The following CCDC178 variants were observed in gnomAD, a reference collection of about 807,000 sequenced individuals.
CCDC178 encodes the protein coiled-coil domain-containing protein 178.
Under a neutral mutation model 117.4 loss-of-function variants are expected in CCDC178, and 126 were observed. That is an observed-to-expected ratio of 1.07 (90% CI 0.93 to 1.24). The LOEUF (loss-of-function observed/expected upper bound fraction) is 1.24, where lower values mean the gene tolerates loss of function less well. Ranked by LOEUF, CCDC178 falls within the 50% of genes most tolerant of loss-of-function variation. CCDC178 has a pLI of 0.00. For synonymous variants in CCDC178, 283 were observed against 313.4 expected (o/e 0.90, Z 1.02); for missense variants, 1,030 against 986.9 (o/e 1.04, Z -0.59).
intron 20 of CCDC178, among the ~76,000 whole-genome samples, chr18:33,153,158 C>CATATATT (rs1251364901): frequency 1.4e-5 from 2 of 145,844 alleles, no homozygotes; most frequent in Non-Finnish European, 1.5e-5. Context: ...ATATATATAA[C>CATATATT]ATATATTATA....
Position 33,432,478 on chromosome 18 carries a change from T to TACACAC in CCDC178, c.-23+7478_-23+7483dup, listed in dbSNP as rs56111462. ...ATATAATTCTCTCATGCCTTCTCCA[T>TACACAC]ACACACACACACACACACACACACA... On this transcript the variant is annotated intron_variant, in intron 2 of 22. Transcript: ENST00000383096. 5.7e-3 allele frequency among the ~76,000 whole-genome samples: 818 copies of TACACAC among 143,394 alleles called. 6 individuals carry two copies. The highest frequency in any genetic ancestry group is 6.6e-3 in the Admixed American group (95 of 14,292). 94.1% of individuals were successfully genotyped at this position (143,394 alleles called of 152,430 possible).
chr18:33,334,887 A>T (rs2062719419), intron 9 of CCDC178, among the ~76,000 whole-genome samples: 1 of 152,038 alleles, frequency 6.6e-6, no homozygotes, highest in Non-Finnish European at 1.5e-5. Context: ...CTATTCAGCA[A>T]GCTATTTTTC....
At chr18:33,424,973 C>T (rs1599305811) in intron 2 of CCDC178, among the ~76,000 whole-genome samples, 1 of 152,154 alleles carries the variant, frequency 6.6e-6, no homozygotes, top group Non-Finnish European at 1.5e-5. Flanking sequence ...GGACCTAACA[C>T]ATAGTTTAAA....
At chr18:33,368,212 C>T (rs2063242930) in intron 6 of CCDC178, among the ~76,000 whole-genome samples, 2 of 151,896 alleles carry the variant, frequency 1.3e-5, no homozygotes, top group Admixed American at 1.3e-4. Context: ...AAGGGCAAAA[C>T]AATAAATATT....
chr18:33,186,669 G>A lies in CCDC178; in HGVS notation c.2238+25227C>T, dbSNP rs2058798207. Among the ~76,000 whole-genome samples, 4 of 152,012 alleles carry A rather than the reference G, an allele frequency of 2.6e-5. No individual in the cohort carries two copies. The South Asian group carries it at 6.2e-4, about 24-fold the overall frequency. The stretch of plus-strand genomic sequence containing the variant: ...TTACTTTTTCTTTCAGCGCATCCTC[G>A]TGAATCTACCTAGCCTATAAAGGAT... On this transcript the variant is annotated intron_variant, in intron 20 of 22. Transcript: ENST00000383096.
At chr18:32,949,934 G>A (rs1449222791) in intron 22 of CCDC178, among the ~76,000 whole-genome samples, 1 of 152,144 alleles carries the variant, frequency 6.6e-6, no homozygotes, top group East Asian at 1.9e-4. Flanking sequence ...GGTGGGAATA[G>A]AATTACGTTA....
chr18:33,183,181 C>A (rs1022244603), intron 20 of CCDC178, among the ~76,000 whole-genome samples: 7 of 151,768 alleles, frequency 4.6e-5, no homozygotes, highest in African/African-American at 1.7e-4. Flanking sequence ...AAACAGAGAA[C>A]AGAAAAAGGA....
intron 21 of CCDC178, among the ~76,000 whole-genome samples, chr18:33,070,798 T>C (rs2057095173): frequency 6.6e-6 from 1 of 152,084 alleles, no homozygotes; most frequent in South Asian, 2.1e-4. Context: ...GGAATTATTA[T>C]GTATCAATAC....
intron 2 of CCDC178, among the ~76,000 whole-genome samples, chr18:33,418,524 C>T (rs553606154): frequency 3.9e-3 from 600 of 152,016 alleles, no homozygotes; most frequent in Non-Finnish European, 6.8e-3. Flanking sequence ...TAAAACGCAT[C>T]CAAATAGAGA....
chr18:33,062,829 G>A (rs535530559), intron 21 of CCDC178, among the ~76,000 whole-genome samples: 9 of 152,048 alleles, frequency 5.9e-5, no homozygotes, highest in Non-Finnish European at 8.8e-5. Context: ...CACATTCCAC[G>A]AGCCTCACTG....
At chr18:33,298,382 A>T (rs564186703) in intron 11 of CCDC178, among the ~76,000 whole-genome samples, 2 of 152,314 alleles carry the variant, frequency 1.3e-5, no homozygotes, top group African/African-American at 4.8e-5. Flanking sequence ...AAGCCATATG[A>T]TCATCTCAGT....
At chr18:33,302,038 T>A (rs1356979948) in intron 11 of CCDC178, among the ~76,000 whole-genome samples, 1 of 152,062 alleles carries the variant, frequency 6.6e-6, no homozygotes, top group East Asian at 1.9e-4. Flanking sequence ...GTCATGGGAG[T>A]GGATCCTTCA....
At chr18:32,955,628 C>T (rs1175180362) in intron 22 of CCDC178, among the ~76,000 whole-genome samples, 2 of 152,120 alleles carry the variant, frequency 1.3e-5, no homozygotes, top group African/African-American at 4.8e-5. Flanking sequence ...CTATTACACA[C>T]ACACATACAC....
chr18:32,985,042 T>C (rs2055234142), intron 21 of CCDC178, among the ~76,000 whole-genome samples: 3 of 151,792 alleles, frequency 2.0e-5, no homozygotes, highest in African/African-American at 7.2e-5. Flanking sequence ...ATGCAAAAAA[T>C]CAAGAAAATG....
intron 14 of CCDC178, among the ~76,000 whole-genome samples, chr18:33,248,881 C>G (rs4799342): frequency 0.84 from 126,463 of 151,064 alleles, 53,530 homozygotes; most frequent in South Asian, 0.92. Context: ...ACAGTCCCAC[C>G]AACAGTGTAA....
intron 11 of CCDC178, among the ~76,000 whole-genome samples, chr18:33,305,700 A>G (rs1335384938): frequency 1.3e-5 from 2 of 152,146 alleles, no homozygotes; most frequent in Non-Finnish European, 2.9e-5. Context: ...TTCTTGCACC[A>G]GAGGAGCTTA....
intron 20 of CCDC178, among the ~76,000 whole-genome samples, chr18:33,183,828 T>G (rs953910097): frequency 2.0e-5 from 3 of 152,112 alleles, no homozygotes; most frequent in Admixed American, 2.0e-4. Context: ...CTCTGATCTA[T>G]AGAATTTTCA....
chr18:33,110,135 T>C (rs926054846), intron 20 of CCDC178, among the ~76,000 whole-genome samples: 2 of 151,662 alleles, frequency 1.3e-5, no homozygotes, highest in Non-Finnish European at 3.0e-5. Flanking sequence ...GTAGTTTTCA[T>C]TTGCATTTAT....
chr18:33,394,314 T>C (rs2063602365), intron 4 of CCDC178, among the ~76,000 whole-genome samples: 1 of 151,944 alleles, frequency 6.6e-6, no homozygotes, highest in South Asian at 2.1e-4. Flanking sequence ...ATCTTTACAA[T>C]AACACATATT....
Sources: allele counts gnomAD v4.1 joint callset (sites outside exome capture counted in the v4.1 genomes callset), GRCh38; gene constraint gnomAD v4.1.1; transcripts MANE v1.5; gene names NCBI Gene and HGNC (gene_info 2026-07-23, HGNC 2026-07-21).